BMS1: variants seen among roughly 807,000 people sequenced by gnomAD.
BMS1 encodes the protein BMS1 ribosome biogenesis factor, also known as ribosome biogenesis protein BMS1 homolog.
A neutral mutation model predicts 138.7 loss-of-function variants in BMS1; 53 were observed. That is an observed-to-expected ratio of 0.38 (90% CI 0.31 to 0.48). The LOEUF is 0.48. BMS1 is among the 20% of genes least tolerant of loss of function. The pLI is 0.97. For synonymous variants in BMS1, 504 were observed against 539.9 expected (o/e 0.93, Z 0.92); for missense variants, 1,360 against 1,565.5 (o/e 0.87, Z 2.22).
At chr10:42,811,678 C>G (rs1431424270) in intron 13 of BMS1, among the ~76,000 whole-genome samples, 1 of 150,088 alleles carries the variant, frequency 6.7e-6, no homozygotes, top group Non-Finnish European at 1.5e-5. Context: ...GCGCCCGCCA[C>G]TACGCCCGGC....
chr10:42,796,555 T>C lies in BMS1; in HGVS notation c.1311T>C (p.Asp437=). 1 of 1,614,174 alleles carries C rather than the reference T, an allele frequency of 6.2e-7. No homozygotes were observed. The highest frequency in any genetic ancestry group is 8.5e-7 in the Non-Finnish European group (1 of 1,180,028). The change falls in exon 10 of 23, where the codon GAT becomes GAC. Residue 437 remains aspartate (D), a synonymous_variant. Coordinates refer to ENST00000374518, the MANE Select transcript of BMS1 (RefSeq NM_014753.4). ...MRRKAIFGDE[D]ESGDSDDEED... ...GGAAAGCCATTTTCGGAGATGAAGA[T>C]GAATCTGGAGATAGTGATGATGAAG...
chr10:42,823,304 A>C (rs768456827), intron 20 of BMS1, 39 bp downstream of exon 20: 11 of 1,508,096 alleles, frequency 7.3e-6, no homozygotes, highest in Non-Finnish European at 8.8e-6. Flanking sequence ...GGGTGTTACC[A>C]TTCATGCTTG....
chr10:42,791,498 G>A (rs1366234705), intron 5 of BMS1, 129 bp from the exon 6 acceptor site: 8 of 916,598 alleles, frequency 8.7e-6, no homozygotes, highest in Non-Finnish European at 1.3e-5. Context: ...GGCTCTGGAA[G>A]CCTCAGGACA....
rs893952627 is a variant in BMS1, at chr10:42,832,226, A to G, written c.*1130A>G. ...GATCACTTGAGCCCAGGAATTTGAG[A>G]CCAACTTGGGCAACATGGCAAAACC... On this transcript the variant is annotated 3_prime_UTR_variant, in exon 23 of 23. Coordinates refer to ENST00000374518, the MANE Select transcript of BMS1 (RefSeq NM_014753.4). 1.3e-5 allele frequency: 2 copies of G among 152,132 alleles called. No homozygotes were observed. The highest frequency in any genetic ancestry group is 4.8e-5 in the African/African-American group (2 of 41,420). 9.4% of individuals were successfully genotyped at this position (152,132 alleles called of 1,614,324 possible).
chr10:42,802,187 T>A lies in BMS1; in HGVS notation c.2298T>A (p.Asp766Glu), dbSNP rs1841892630. Residue 766 changes from aspartate to glutamate, a missense_variant, in exon 13 of 23, where the codon GAT becomes GAA. Coordinates refer to ENST00000374518, the MANE Select transcript of BMS1 (RefSeq NM_014753.4). ...TCGTGACTGGAAAGTGGGAAGATGA[T>A]AAAGATGCAGCCAAGGTCTTAGCAG... ...DCFVTGKWEDDKDAAKVLAED... is the reference protein window; with the variant it reads ...DCFVTGKWEDEKDAAKVLAED... 1 of 1,613,542 alleles carries A rather than the reference T, an allele frequency of 6.2e-7. No individual in the cohort carries two copies. Among genetic ancestry groups the A allele is most frequent in the Non-Finnish European group, 8.5e-7 (1 of 1,179,742 alleles).
At chr10:42,803,565 G>A (rs1321228428) in intron 13 of BMS1, among the ~76,000 whole-genome samples, 3 of 151,760 alleles carry the variant, frequency 2.0e-5, no homozygotes, top group South Asian at 2.1e-4. Context: ...GCTTTATCAC[G>A]TTACTAAGAT....
At chr10:42,799,072 T>G (rs1264176426) in intron 12 of BMS1, among the ~76,000 whole-genome samples, 1 of 152,194 alleles carries the variant, frequency 6.6e-6, no homozygotes, top group Non-Finnish European at 1.5e-5. Flanking sequence ...GTACTCAAAC[T>G]CACCACAGCT....
intron 13 of BMS1, among the ~76,000 whole-genome samples, chr10:42,809,057 G>C (rs999411984): frequency 3.3e-5 from 5 of 152,134 alleles, no homozygotes; most frequent in African/African-American, 7.2e-5. Context: ...CTGGGATTTT[G>C]GTAGGGATTG....
Position 42,793,133 on chromosome 10 carries a change from C to T in BMS1, c.1078C>T (p.His360Tyr). The T allele has an allele frequency of 6.2e-7, 1 of 1,605,618 alleles. No homozygotes were observed. Among genetic ancestry groups the T allele is most frequent in the East Asian group, 2.2e-5 (1 of 44,698 alleles). Reference protein sequence around the residue: ...DAVYVDLGGSHVFQDEVGPTH... With the variant: ...DAVYVDLGGSYVFQDEVGPTH... Reference sequence around the variant, plus strand: ...TGTCTATGTTGACCTTGGTGGCAGCCACGTTTTTCAGGTATCGGTGAGACG... The same window carrying T: ...TGTCTATGTTGACCTTGGTGGCAGCTACGTTTTTCAGGTATCGGTGAGACG... The change falls in exon 8 of 23, where the codon CAC becomes TAC. Residue 360 changes from histidine to tyrosine, a missense_variant. This residue lies in a region of BMS1 where 697 missense variants were observed against 686.2 expected (regional missense o/e 1.02). Transcript: ENST00000374518.
At chr10:42,817,637 T>A in intron 15 of BMS1, 143 bp downstream of exon 15, 2 of 728,868 alleles carry the variant, frequency 2.7e-6, no homozygotes, top group South Asian at 2.7e-5. Context: ...TGGGTAGAGA[T>A]GCATGTGAGT....
intron 1 of BMS1, 60 bp from the exon 2 acceptor site, chr10:42,784,302 G>A: frequency 1.7e-6 from 2 of 1,154,920 alleles, no homozygotes; most frequent in South Asian, 1.7e-5. Context: ...TTTTCCCTGG[G>A]TATTGCCTGG....
At chr10:42,807,159 G>T (rs1293791778) in intron 13 of BMS1, among the ~76,000 whole-genome samples, 1 of 152,156 alleles carries the variant, frequency 6.6e-6, no homozygotes, top group Non-Finnish European at 1.5e-5. Flanking sequence ...AGGATTGCTT[G>T]TATTGCTGTT....
intron 9 of BMS1, 150 bp from the exon 10 acceptor site, chr10:42,796,324 T>G: frequency 1.0e-6 from 1 of 988,728 alleles, no homozygotes; most frequent in Non-Finnish European, 1.5e-6. Context: ...CTTCCAATGT[T>G]TATCAAATCA....
At chr10:42,828,383 A>T (rs956260919) in intron 21 of BMS1, among the ~76,000 whole-genome samples, 30 of 152,124 alleles carry the variant, frequency 2.0e-4, no homozygotes, top group Non-Finnish European at 2.5e-4. Context: ...CCGTTATCCC[A>T]CGGCCCTTAA....
At chr10:42,827,122 T>A (rs1268368508) in intron 21 of BMS1, among the ~76,000 whole-genome samples, 1 of 152,120 alleles carries the variant, frequency 6.6e-6, no homozygotes, top group East Asian at 1.9e-4. Context: ...AGTGGATTGT[T>A]ACCAGAGTGA....
rs1405577723 is a variant in BMS1 at position 42,832,799 on chromosome 10, A to G, written c.*1703A>G. On this transcript the variant is annotated 3_prime_UTR_variant, in exon 23 of 23. Transcript: ENST00000374518. ...CATTTTCCTCTGTTCCTCAAGAGCT[A>G]TTATGAATTTCATCATCCATTATGC... The G allele has an allele frequency of 6.6e-6, 1 of 152,254 alleles. No individual in the cohort carries two copies. Among genetic ancestry groups the G allele is most frequent in the African/African-American group, 2.4e-5 (1 of 41,466 alleles). The allele number at this position is 152,254 out of a possible 1,614,324, so 9.4% of individuals were successfully genotyped here. A position where few individuals can be genotyped will look rare whatever the true frequency, so the allele number is the denominator to read the frequency against.
Position 42,830,997 on chromosome 10 carries a change from G to A in BMS1, c.3750G>A (p.Arg1250=), listed in dbSNP as rs1407449964. The A allele has an allele frequency of 6.9e-6, 11 of 1,603,996 alleles. No homozygotes were observed. The highest frequency in any genetic ancestry group is 9.4e-6 in the Non-Finnish European group (11 of 1,174,752). Residue 1250 remains arginine, a synonymous_variant, in exon 23 of 23, where the codon CGG becomes CGA. Coordinates refer to ENST00000374518, the MANE Select transcript of BMS1 (RefSeq NM_014753.4). ...KQKEEEEKLK[R]QKDLRKKLFR... is the part of the protein sequence containing the mutation. ...AGGAGGAGGAGGAGAAGCTGAAGCG[G>A]CAGAAGGACCTCAGGAAGAAGCTCT...
chr10:42,812,462 T>A (rs1842212565), intron 13 of BMS1, among the ~76,000 whole-genome samples: 1 of 152,182 alleles, frequency 6.6e-6, no homozygotes, highest in Admixed American at 6.5e-5. Context: ...TAACAGTTGC[T>A]GAGAGGAGGG....
In BMS1 at chr10:42,831,103, G is replaced by A; in HGVS notation, c.*7G>A. 1.3e-6 allele frequency: 2 copies of A among 1,553,772 alleles called. No individual in the cohort carries two copies. Among genetic ancestry groups the A allele is most frequent in the South Asian group, 2.4e-5 (2 of 84,180 alleles). ...TGAGGGCCAATTGCAGTGAGCCTTT[G>A]GACTGGAGGGACTGTCCCTGGATCT... On this transcript the variant is annotated 3_prime_UTR_variant, in exon 23 of 23. Transcript: ENST00000374518.
Sources: allele counts gnomAD v4.1 joint callset (sites outside exome capture counted in the v4.1 genomes callset), GRCh38; gene constraint gnomAD v4.1.1; regional missense constraint gnomAD v4.1.1; transcripts MANE v1.5; gene names NCBI Gene and HGNC (gene_info 2026-07-23, HGNC 2026-07-21).